DIS3L2: variants seen among roughly 807,000 people sequenced by gnomAD.
DIS3L2 encodes DIS3-like exonuclease 2.
DIS3L2 carries 34 observed loss-of-function variants against 97.5 expected under a neutral mutation model. The ratio of observed to expected loss-of-function variants is 0.35; its 90% CI spans 0.27 to 0.46. The LOEUF (loss-of-function observed/expected upper bound fraction) is 0.46. Ranked by LOEUF, DIS3L2 falls within the 20% of genes least tolerant of loss-of-function variation. The pLI is 1.00. For missense variants in DIS3L2, 1,038 were observed against 1,146.0 expected, an observed-to-expected ratio of 0.91 and a Z score of 1.36; for synonymous variants, 435 against 445.2, an observed-to-expected ratio of 0.98 and a Z score of 0.29.
At chr2:232,314,958 G>A (rs936543433) in intron 14 of DIS3L2, among the ~76,000 whole-genome samples, 1 of 152,174 alleles carries the variant, frequency 6.6e-6, no homozygotes, top group African/African-American at 2.4e-5. Flanking sequence ...GGAATGACTC[G>A]TTTCTCTCTC....
At chr2:232,336,328 G>T (rs1695945979) in intron 20 of DIS3L2, 141 bp from the exon 21 acceptor site, 2 of 1,547,762 alleles carry the variant, frequency 1.3e-6, no homozygotes, top group South Asian at 2.4e-5. Flanking sequence ...TCCTGGAGGG[G>T]GCCCCCATTA....
intron 1 of DIS3L2, among the ~76,000 whole-genome samples, chr2:232,002,066 G>A (rs1431809227): frequency 2.6e-5 from 4 of 152,100 alleles, no homozygotes; most frequent in Non-Finnish European, 5.9e-5. Flanking sequence ...TGTGAGATGA[G>A]TGTCTAATTT....
At chr2:232,092,857 C>A (rs1696885827) in intron 6 of DIS3L2, among the ~76,000 whole-genome samples, 1 of 152,164 alleles carries the variant, frequency 6.6e-6, no homozygotes, top group Non-Finnish European at 1.5e-5. Flanking sequence ...TTGACTTCTT[C>A]CTTTCCAATT....
At chr2:232,005,507 A>G (rs942373549) in intron 1 of DIS3L2, among the ~76,000 whole-genome samples, 7 of 152,142 alleles carry the variant, frequency 4.6e-5, no homozygotes, top group African/African-American at 1.7e-4. Flanking sequence ...AGCTGCCTGC[A>G]TTGCACCAAC....
At chr2:232,342,992 TG>T (rs1481249422) in intron 13 of DIS3L2, 4 of 168,858 alleles carry the variant, frequency 2.4e-5, no homozygotes, top group Non-Finnish European at 3.6e-5. Context: ...GGAGTCAGAG[TG>T]GGGGGGCTGG....
intron 7 of DIS3L2, among the ~76,000 whole-genome samples, chr2:232,134,713 T>C (rs1050033849): frequency 2.6e-5 from 4 of 152,062 alleles, no homozygotes; most frequent in African/African-American, 9.7e-5. Context: ...ACACCTGTGG[T>C]CCCAGAAACT....
At chr2:232,027,378 G>T (rs949587730) in intron 4 of DIS3L2, among the ~76,000 whole-genome samples, 1 of 152,038 alleles carries the variant, frequency 6.6e-6, no homozygotes, top group African/African-American at 2.4e-5. Context: ...AATTGTTACC[G>T]GCTTAAGCTA....
intron 6 of DIS3L2, among the ~76,000 whole-genome samples, chr2:232,096,708 ACTCTGATGTGTT>A (rs1697026257): frequency 6.8e-6 from 1 of 146,658 alleles, no homozygotes; most frequent in South Asian, 2.2e-4. Flanking sequence ...CTATTAAAAG[ACTCTGATGTGTT>A]CTTCAGTATG....
intron 6 of DIS3L2, among the ~76,000 whole-genome samples, chr2:232,114,774 G>T (rs1461264525): frequency 6.6e-6 from 1 of 152,152 alleles, no homozygotes; most frequent in African/African-American, 2.4e-5. Flanking sequence ...AAGCCTTGAA[G>T]AAAACCTAGA....
intron 8 of DIS3L2, among the ~76,000 whole-genome samples, chr2:232,162,310 G>C (rs1483896334): frequency 1.3e-5 from 2 of 152,202 alleles, no homozygotes; most frequent in African/African-American, 4.8e-5. Context: ...TCATAGGCTG[G>C]TGGGCGGGTG....
At chr2:232,333,756 G>GAA in intron 16 of DIS3L2, 84 bp from the exon 17 acceptor site, 61 of 1,487,134 alleles carry the variant, frequency 4.1e-5, no homozygotes, top group Admixed American at 1.8e-4. Flanking sequence ...CGCTGCCGAC[G>GAA]GTGAGGCTGT....
chr2:232,126,178 A>G (rs557147023), intron 6 of DIS3L2, among the ~76,000 whole-genome samples: 2 of 152,320 alleles, frequency 1.3e-5, no homozygotes, highest in East Asian at 3.9e-4. Flanking sequence ...TCATAGCTCT[A>G]AAATACATGT....
intron 6 of DIS3L2, among the ~76,000 whole-genome samples, chr2:232,125,210 T>C (rs1698024140): frequency 6.6e-6 from 1 of 152,260 alleles, no homozygotes; most frequent in African/African-American, 2.4e-5. Flanking sequence ...CTCATTGCCC[T>C]TAGGCACACT....
intron 6 of DIS3L2, among the ~76,000 whole-genome samples, chr2:232,097,878 G>A (rs1697072353): frequency 6.6e-6 from 1 of 152,146 alleles, no homozygotes; most frequent in Non-Finnish European, 1.5e-5. Context: ...AAGCTGGCAT[G>A]TCTCAGAGTC....
At chr2:232,181,017 A>C (rs1691247642) in intron 9 of DIS3L2, among the ~76,000 whole-genome samples, 1 of 71,804 alleles carries the variant, frequency 1.4e-5, no homozygotes, top group Admixed American at 1.7e-4. Context: ...GTGGTGACAA[A>C]ATCTCTCAGC....
In DIS3L2 at chr2:232,086,656, T is replaced by TACAC. The variant is rs1559613580; in HGVS notation, c.367-830_367-829insCACA. 1.3e-3 allele frequency among the ~76,000 whole-genome samples: 71 copies of TACAC among 53,690 alleles called. 1 individual carries two copies. Among genetic ancestry groups the TACAC allele is most frequent in the African/African-American group, 6.3e-3 (63 of 9,932 alleles). 35.2% of individuals were successfully genotyped at this position (53,690 alleles called of 152,430 possible). ...ACATATATATATATGTATATATATA[T>TACAC]ATATGTGTGTGTGTGTGTGTGTATA... On this transcript the variant is annotated intron_variant, in intron 5 of 20. Transcript: ENST00000325385.
Position 232,326,292 on chromosome 2 carries a change from C to T in DIS3L2, c.1740-3521C>T, listed in dbSNP as rs555115989. ...GAGCCCTGACTCCCACCTTCCCTAC[C>T]CCACCCACCCTGCACCGTCCAGCTC... On this transcript the variant is annotated intron_variant, in intron 14 of 20. Coordinates refer to ENST00000325385, the MANE Select transcript of DIS3L2 (RefSeq NM_152383.5). Among the ~76,000 whole-genome samples, 6 of 152,062 alleles carry T rather than the reference C, an allele frequency of 3.9e-5. No individual in the cohort carries two copies. The South Asian group carries it at 1.2e-3, about 32-fold the overall frequency.
At chr2:232,201,695 C>A (rs1691897762) in intron 9 of DIS3L2, among the ~76,000 whole-genome samples, 1 of 152,110 alleles carries the variant, frequency 6.6e-6, no homozygotes, top group South Asian at 2.1e-4. Context: ...TGTTGTGGTT[C>A]TATGGAAGAA....
At chr2:231,999,793 A>G (rs1278031300) in intron 1 of DIS3L2, among the ~76,000 whole-genome samples, 1 of 151,714 alleles carries the variant, frequency 6.6e-6, no homozygotes, top group African/African-American at 2.4e-5. Flanking sequence ...GCCCTCTAAT[A>G]TATTGTGATT....
Sources: allele counts gnomAD v4.1 joint callset (sites outside exome capture counted in the v4.1 genomes callset), GRCh38; gene constraint gnomAD v4.1.1; transcripts MANE v1.5; gene names NCBI Gene and HGNC (gene_info 2026-07-23, HGNC 2026-07-21).